SNX8: variants seen among roughly 807,000 people sequenced by gnomAD.
SNX8 encodes the protein sorting nexin-8.
In SNX8, 25 loss-of-function variants were observed where a neutral mutation model predicts 51.6. The ratio of observed to expected loss-of-function variants is 0.48; its 90% CI spans 0.35 to 0.68. The LOEUF is 0.68. SNX8 is among the 30% of genes least tolerant of loss of function. The pLI is 0.00. For synonymous variants in SNX8, 324 were observed against 277.0 expected (o/e 1.17, Z -1.68); for missense variants, 695 against 624.0 (o/e 1.11, Z -1.21).
At chr7:2,346,873 T>A (rs1779040032) in intron 1 of SNX8, among the ~76,000 whole-genome samples, 1 of 127,190 alleles carries the variant, frequency 7.9e-6, no homozygotes. Context: ...TGAGCCGAGA[T>A]CACACCACTG....
At chr7:2,321,422 A>G (rs10245709) in intron 1 of SNX8, among the ~76,000 whole-genome samples, 4,677 of 151,314 alleles carry the variant, frequency 0.031, 249 homozygotes, top group African/African-American at 0.11. Flanking sequence ...AAGAAAATGG[A>G]ATTTCTTTTT....
At chr7:2,262,091 G>A (rs1795350494) in intron 7 of SNX8, among the ~76,000 whole-genome samples, 3 of 152,226 alleles carry the variant, frequency 2.0e-5, no homozygotes, top group African/African-American at 7.2e-5. Context: ...AGGCTGGTGT[G>A]CAGTGGCACC....
intron 1 of SNX8, among the ~76,000 whole-genome samples, chr7:2,279,614 G>A (rs1487239355): frequency 6.6e-6 from 1 of 152,002 alleles, no homozygotes. Context: ...AGCCATGCGT[G>A]GTGGCTCACT....
At chr7:2,319,060 C>T (rs746554045), upstream of SNX8, among the ~76,000 whole-genome samples, 15 of 151,590 alleles carry the variant, frequency 9.9e-5, no homozygotes, top group Non-Finnish European at 1.6e-4. Flanking sequence ...GTAAATTGGC[C>T]GGATACGGTG....
At chr7:2,307,529 G>C (rs924492105) in intron 1 of SNX8, among the ~76,000 whole-genome samples, 2 of 151,474 alleles carry the variant, frequency 1.3e-5, no homozygotes, top group Non-Finnish European at 2.9e-5. Flanking sequence ...CTACTCGGGA[G>C]GCTGAGGCAG....
At chr7:2,301,738 T>G (rs547110410) in intron 1 of SNX8, among the ~76,000 whole-genome samples, 2 of 152,312 alleles carry the variant, frequency 1.3e-5, no homozygotes, top group South Asian at 4.1e-4. Flanking sequence ...AAGGTGATTC[T>G]GCCCTGGACC....
intron 1 of SNX8, among the ~76,000 whole-genome samples, chr7:2,291,713 A>T (rs954397767): frequency 1.3e-5 from 2 of 152,094 alleles, no homozygotes; most frequent in Non-Finnish European, 2.9e-5. Context: ...CTCAGTTCAA[A>T]CCCCACTTCA....
At chr7:2,340,870 A>C (rs868028749) in intron 1 of SNX8, among the ~76,000 whole-genome samples, 1,539 of 148,312 alleles carry the variant, frequency 0.01, 57 homozygotes, top group African/African-American at 0.033. Flanking sequence ...AAAAAAAAAA[A>C]AAAAAAAAAA....
intron 1 of SNX8, among the ~76,000 whole-genome samples, chr7:2,335,881 T>G (rs1562461957): frequency 6.7e-6 from 1 of 148,166 alleles, no homozygotes; most frequent in Non-Finnish European, 1.5e-5. Flanking sequence ...TGTTAATTTG[T>G]GGTGAAAGAA....
intron 1 of SNX8, among the ~76,000 whole-genome samples, chr7:2,348,188 C>T (rs1779068849): frequency 1.3e-5 from 2 of 152,178 alleles, no homozygotes; most frequent in Admixed American, 6.6e-5. Flanking sequence ...GTAGGTGAAT[C>T]GTTTCTTCTG....
chr7:2,348,884 G>A (rs1268925208), intron 1 of SNX8, among the ~76,000 whole-genome samples: 1 of 149,796 alleles, frequency 6.7e-6, no homozygotes, highest in Non-Finnish European at 1.5e-5. Flanking sequence ...CCCGGGAGGC[G>A]GAGTTACAGT....
rs760392906 is a variant in SNX8, at chr7:2,255,137, C to T, written c.1317G>A (p.Lys439=). 6.3e-7 allele frequency: 1 copy of T among 1,576,256 alleles called. No individual in the cohort carries two copies. The highest frequency in any genetic ancestry group is 8.6e-7 in the Non-Finnish European group (1 of 1,160,922). The change falls in exon 11 of 11, where the codon AAG becomes AAA. Residue 439 remains lysine (K), a synonymous_variant. Coordinates refer to ENST00000222990, the MANE Select transcript of SNX8 (RefSeq NM_013321.4). ...GTGGTCCCGCAAAGAGGCAGCTGAG[C>T]TTGGGCCTCAGGTCGTTCCACACCT... is the stretch of plus-strand genomic sequence containing the variant. ...MSKVWNDLRP[K]LSCLFAGPHS...
At chr7:2,301,125 G>T (rs1562446695) in intron 1 of SNX8, among the ~76,000 whole-genome samples, 4 of 152,220 alleles carry the variant, frequency 2.6e-5, no homozygotes, top group Admixed American at 6.5e-5. Flanking sequence ...TGTCTAGGGT[G>T]TTATTTATGA....
At chr7:2,310,631 G>T (rs1451809430) in intron 1 of SNX8, among the ~76,000 whole-genome samples, 1 of 152,098 alleles carries the variant, frequency 6.6e-6, no homozygotes, top group Non-Finnish European at 1.5e-5. Flanking sequence ...GTCAGGTGTG[G>T]TGGCAGGCAC....
chr7:2,256,848 C>A (rs1240520626), intron 10 of SNX8, 26 bp downstream of exon 10: 1 of 1,595,422 alleles, frequency 6.3e-7, no homozygotes, highest in Non-Finnish European at 8.6e-7. Context: ...GTGGCCGAGA[C>A]GGCGGCCGGA....
At chr7:2,319,229 C>T (rs1796798219), upstream of SNX8, among the ~76,000 whole-genome samples, 1 of 151,904 alleles carries the variant, frequency 6.6e-6, no homozygotes. Flanking sequence ...ATCCCAGCTA[C>T]TGGGGAAGAA....
At position 2,255,111 on chromosome 7, in the gene SNX8, T is replaced by C. The variant is rs1795145441; in HGVS notation, c.1343A>G (p.His448Arg). Residue 448 changes from histidine to arginine, a missense_variant, in exon 11 of 11, where the codon CAC becomes CGC. His to Arg is a conservative substitution (Grantham distance 29). Transcript: ENST00000222990. Reference sequence around the variant, plus strand: ...GGAGCACGGTGGGGTCAGGGTGCTGTGTGGTCCCGCAAAGAGGCAGCTGAG... The same window carrying C: ...GGAGCACGGTGGGGTCAGGGTGCTGCGTGGTCCCGCAAAGAGGCAGCTGAG... Reference protein sequence around the residue: ...PKLSCLFAGPHSTLTPPCSPP... With the variant: ...PKLSCLFAGPRSTLTPPCSPP... The C allele has an allele frequency of 6.3e-7, 1 of 1,581,222 alleles. No individual in the cohort carries two copies. The highest frequency in any genetic ancestry group is 8.6e-7 in the Non-Finnish European group (1 of 1,164,038).
At chr7:2,269,238 C>T (rs1795577995) in intron 5 of SNX8, among the ~76,000 whole-genome samples, 1 of 147,608 alleles carries the variant, frequency 6.8e-6, no homozygotes, top group Non-Finnish European at 1.5e-5. Flanking sequence ...ACCCCCAACC[C>T]TGTGCTGTGT....
At position 2,275,224 on chromosome 7, in the gene SNX8, G is replaced by T. The variant is rs760334637; in HGVS notation, c.306C>A (p.Phe102Leu). 1 of 1,610,474 alleles carries T rather than the reference G, an allele frequency of 6.2e-7. No individual in the cohort carries two copies. Among genetic ancestry groups the T allele is most frequent in the Non-Finnish European group, 8.5e-7 (1 of 1,176,666 alleles). Residue 102 changes from phenylalanine to leucine, a missense_variant, in exon 3 of 11, where the codon TTC becomes TTA. Coordinates refer to ENST00000222990, the MANE Select transcript of SNX8 (RefSeq NM_013321.4). ...HVEYEVSSQRFKSSVYRRYND... is the reference protein window; with the variant it reads ...HVEYEVSSQRLKSSVYRRYND... The stretch of plus-strand genomic sequence containing the variant: ...TGTACCGTCTGTATACCGAGGACTT[G>T]AAGCGCTGCAAGAGAAGGGTCGGTG...
Sources: allele counts gnomAD v4.1 joint callset (sites outside exome capture counted in the v4.1 genomes callset), GRCh38; gene constraint gnomAD v4.1.1; transcripts MANE v1.5; gene names NCBI Gene and HGNC (gene_info 2026-07-23, HGNC 2026-07-21).